DLEU7: variants seen among roughly 807,000 people sequenced by gnomAD.
The protein encoded by DLEU7 is leukemia-associated protein 7.
A neutral mutation model predicts 16.0 loss-of-function variants in DLEU7; 17 were observed. The observed-to-expected ratio is 1.06, with a 90% CI of 0.73 to 1.59. The LOEUF (loss-of-function observed/expected upper bound fraction) is 1.59, where lower values mean the gene tolerates loss of function less well. Among genes scored for constraint, DLEU7 ranks in the 40% most tolerant of loss-of-function variants. The pLI is 0.00. For synonymous variants in DLEU7, 113 were observed against 139.8 expected (o/e 0.81, Z 1.35); for missense variants, 308 against 314.9 (o/e 0.98, Z 0.17).
intron 1 of DLEU7, among the ~76,000 whole-genome samples, chr13:50,756,516 G>C (rs569412987): frequency 4.3e-4 from 66 of 152,244 alleles, no homozygotes; most frequent in African/African-American, 1.6e-3. Context: ...ACAGTCACAG[G>C]CCTCATTCAG....
intron 1 of DLEU7, among the ~76,000 whole-genome samples, chr13:50,842,698 T>C (rs77894099): frequency 0.016 from 2,377 of 152,250 alleles, 68 homozygotes; most frequent in African/African-American, 0.054. Context: ...ATTGGATTTA[T>C]GCAAAAAATA....
chr13:50,749,328 A>C (rs1201398263), intron 1 of DLEU7, among the ~76,000 whole-genome samples: 1 of 151,430 alleles, frequency 6.6e-6, no homozygotes, highest in Non-Finnish European at 1.5e-5. Flanking sequence ...TTCTTTATCC[A>C]CTCTTTGATT....
chr13:50,811,154 A>G (rs1876550902), intron 1 of DLEU7, among the ~76,000 whole-genome samples: 1 of 152,168 alleles, frequency 6.6e-6, no homozygotes, highest in Admixed American at 6.5e-5. Flanking sequence ...GAAAACTGCA[A>G]CTTATTGCTC....
chr13:50,788,940 C>T (rs1875868334), intron 1 of DLEU7, among the ~76,000 whole-genome samples: 2 of 152,054 alleles, frequency 1.3e-5, no homozygotes. Context: ...TGGGTTATAT[C>T]GAGGAAAGAG....
intron 1 of DLEU7, among the ~76,000 whole-genome samples, chr13:50,791,239 A>G (rs1164348780): frequency 6.6e-6 from 1 of 152,174 alleles, no homozygotes; most frequent in African/African-American, 2.4e-5. Flanking sequence ...TCTCTGAGCA[A>G]TGTGCAGGGT....
chr13:50,810,553 A>G (rs1876536187), intron 1 of DLEU7, among the ~76,000 whole-genome samples: 1 of 152,160 alleles, frequency 6.6e-6, no homozygotes, highest in African/African-American at 2.4e-5. Context: ...TTGAAAGTTG[A>G]AGACTATATC....
intron 1 of DLEU7, among the ~76,000 whole-genome samples, chr13:50,746,735 C>T (rs980211154): frequency 6.6e-6 from 1 of 152,028 alleles, no homozygotes; most frequent in Admixed American, 6.6e-5. Flanking sequence ...TTTTTCAGAG[C>T]CTTCTAGGTG....
intron 1 of DLEU7, among the ~76,000 whole-genome samples, chr13:50,768,943 C>A (rs953554968): frequency 6.6e-6 from 1 of 152,140 alleles, no homozygotes; most frequent in African/African-American, 2.4e-5. Flanking sequence ...CTCTCCAGCA[C>A]CTGTTGTTTC....
chr13:50,802,831 A>G (rs959243974), intron 1 of DLEU7, among the ~76,000 whole-genome samples: 1 of 152,152 alleles, frequency 6.6e-6, no homozygotes, highest in African/African-American at 2.4e-5. Context: ...ATACATGTAC[A>G]TGTACTTTTT....
intron 1 of DLEU7, among the ~76,000 whole-genome samples, chr13:50,732,273 G>A (rs192573022): frequency 1.1e-3 from 168 of 152,158 alleles, no homozygotes; most frequent in Non-Finnish European, 1.9e-3. Flanking sequence ...CCATGTTTTA[G>A]TGATCTCCAT....
Position 50,823,215 on chromosome 13 carries a change from T to C in DLEU7, c.*99A>G. On this transcript the variant is annotated 3_prime_UTR_variant, in exon 2 of 2. Transcript: ENST00000504404. ...TACCATCAAGTCTTTCCCCTTTGGA[T>C]ATAAAAATATCCATTGTCTGCTGAC... The C allele has an allele frequency of 6.7e-7, 1 of 1,498,156 alleles. No homozygotes were observed. The highest frequency in any genetic ancestry group is 8.9e-7 in the Non-Finnish European group (1 of 1,123,738). The allele number at this position is 1,498,156 out of a possible 1,614,324, so 92.8% of individuals were successfully genotyped here.
intron 1 of DLEU7, among the ~76,000 whole-genome samples, chr13:50,775,718 A>C (rs940600199): frequency 7.9e-5 from 12 of 152,208 alleles, no homozygotes; most frequent in Admixed American, 6.5e-4. Flanking sequence ...TGTGAATTTC[A>C]CTCAGTAAGG....
At chr13:50,810,362 G>A (rs972410422) in intron 1 of DLEU7, among the ~76,000 whole-genome samples, 6 of 151,934 alleles carry the variant, frequency 3.9e-5, no homozygotes, top group African/African-American at 7.3e-5. Flanking sequence ...CCAATACAGA[G>A]TTTCCATCTT....
At chr13:50,793,214 C>CT (rs907838736) in intron 1 of DLEU7, among the ~76,000 whole-genome samples, 1 of 151,902 alleles carries the variant, frequency 6.6e-6, no homozygotes, top group East Asian at 1.9e-4. Flanking sequence ...TGATGTCATT[C>CT]TTTTTTTTAA....
rs113008755 is a variant in DLEU7 at position 50,748,997 on chromosome 13, A to C, written c.460-35757T>G. Among the ~76,000 whole-genome samples, 308 of 152,242 alleles carry C rather than the reference A, an allele frequency of 2.0e-3. 2 individuals are homozygous for C. The East Asian group carries it at 0.031, about 15-fold the overall frequency. On this transcript the variant is annotated intron_variant, in intron 1 of 1. Coordinates refer to the DLEU7 transcript ENST00000400393. ...ATTTTGGTGCACCCATCACCCGAGC[A>C]GTATACATTGTACCCTATTTGTAGT...
chr13:50,831,424 G>C (rs112385912), intron 1 of DLEU7, among the ~76,000 whole-genome samples: 2,158 of 152,256 alleles, frequency 0.014, 48 homozygotes, highest in African/African-American at 0.048. Flanking sequence ...GCATTATTTG[G>C]CTTATAGGCC....
At chr13:50,837,791 A>T (rs1877520834) in intron 1 of DLEU7, among the ~76,000 whole-genome samples, 1 of 152,230 alleles carries the variant, frequency 6.6e-6, no homozygotes, top group South Asian at 2.1e-4. Flanking sequence ...CTGATGCCTC[A>T]TGAATTCGTA....
downstream of DLEU7, among the ~76,000 whole-genome samples, chr13:50,820,327 A>AT (rs1239598927): frequency 4.6e-5 from 7 of 151,598 alleles, no homozygotes; most frequent in East Asian, 1.9e-4. Flanking sequence ...AGCCAGAGGA[A>AT]TTTTTTTTTG....
intron 1 of DLEU7, among the ~76,000 whole-genome samples, chr13:50,791,394 C>A (rs944336415): frequency 2.6e-4 from 39 of 152,272 alleles, no homozygotes; most frequent in Admixed American, 1.3e-4. Flanking sequence ...GAGACTTGGG[C>A]CTTCAGCAGC....
Sources: allele counts gnomAD v4.1 joint callset (sites outside exome capture counted in the v4.1 genomes callset), GRCh38; gene constraint gnomAD v4.1.1; transcripts MANE v1.5; gene names NCBI Gene and HGNC (gene_info 2026-07-23, HGNC 2026-07-21).